CALCRL: variants seen among roughly 807,000 people sequenced by gnomAD.
CALCRL encodes the protein calcitonin gene-related peptide type 1 receptor.
CALCRL carries 27 observed loss-of-function variants against 60.4 expected under a neutral mutation model. The observed-to-expected ratio is 0.45, with a 90% CI of 0.33 to 0.62. The LOEUF is 0.62. Ranked by LOEUF, CALCRL falls within the 20% of genes least tolerant of loss-of-function variation. The pLI is 0.03. For missense variants in CALCRL, 424 were observed against 540.7 expected (o/e 0.78, Z 2.14); for synonymous variants, 190 against 182.6 (o/e 1.04, Z -0.33).
chr2:187,436,985 C>T (rs190767031), intron 1 of CALCRL, among the ~76,000 whole-genome samples: 3 of 152,190 alleles, frequency 2.0e-5, no homozygotes, highest in Non-Finnish European at 2.9e-5. Context: ...TTCTTAAAGT[C>T]ATATCTTTCT....
Position 187,387,758 on chromosome 2 carries a change from T to C in CALCRL, c.-292-2A>G. On this transcript the variant is annotated splice_acceptor_variant, in intron 1 of 14. Coordinates refer to ENST00000392370, the MANE Select transcript of CALCRL (RefSeq NM_005795.6). LOFTEE classifies it low-confidence loss of function (5UTR_SPLICE). ...TTTCTTAAATTCAGGGGTCAAGACC[T>C]GAAATATTGATGAATGTAATAATTT... is the stretch of plus-strand genomic sequence containing the variant. The C allele has an allele frequency of 2.5e-6, 1 of 396,556 alleles. No individual in the cohort carries two copies. The highest frequency in any genetic ancestry group is 4.4e-6 in the Non-Finnish European group (1 of 224,788). 24.6% of individuals were successfully genotyped at this position (396,556 alleles called of 1,614,324 possible).
At chr2:187,409,987 CTTG>C (rs1271291976) in intron 1 of CALCRL, among the ~76,000 whole-genome samples, 5 of 152,128 alleles carry the variant, frequency 3.3e-5, no homozygotes, top group Non-Finnish European at 7.4e-5. Context: ...AGTTTGATGA[CTTG>C]TTAAAGACTC....
intron 1 of CALCRL, among the ~76,000 whole-genome samples, chr2:187,447,679 G>A (rs190247571): frequency 5.3e-5 from 8 of 151,988 alleles, no homozygotes; most frequent in African/African-American, 1.7e-4. Context: ...GACCCTTCCG[G>A]GGGGAGAAAT....
Position 187,345,088 on chromosome 2 carries a change from A to G in CALCRL, c.*1096T>C, listed in dbSNP as rs1026691904. On this transcript the variant is annotated 3_prime_UTR_variant, in exon 15 of 15. Transcript: ENST00000392370. ...TGATGCTGGCATCTGGTTGTCTTTA[A>G]AATATTTACCAAATATAGCATTCCA... 1 of 152,298 alleles carries G rather than the reference A, an allele frequency of 6.6e-6. No individual in the cohort carries two copies. The highest frequency in any genetic ancestry group is 6.6e-5 in the Admixed American group (1 of 15,186). 9.4% of individuals were successfully genotyped at this position (152,298 alleles called of 1,614,324 possible). A position where few individuals can be genotyped will look rare whatever the true frequency, so the allele number is the denominator to read the frequency against.
At chr2:187,433,179 T>A (rs1690475988) in intron 1 of CALCRL, among the ~76,000 whole-genome samples, 1 of 152,112 alleles carries the variant, frequency 6.6e-6, no homozygotes, top group South Asian at 2.1e-4. Flanking sequence ...TTTACCAGGT[T>A]CAAAGTTGAA....
intron 1 of CALCRL, among the ~76,000 whole-genome samples, chr2:187,391,469 C>T (rs1688443401): frequency 1.3e-5 from 2 of 152,122 alleles, no homozygotes; most frequent in South Asian, 4.2e-4. Flanking sequence ...AGAATTTTTC[C>T]ATATGTTCCA....
intron 1 of CALCRL, among the ~76,000 whole-genome samples, chr2:187,400,778 TA>T (rs200164274): frequency 6.0e-5 from 9 of 149,534 alleles, no homozygotes; most frequent in South Asian, 2.1e-4. Flanking sequence ...AAAAAGACAG[TA>T]AAAAAAAAGA....
At chr2:187,403,507 G>A (rs762695799) in intron 1 of CALCRL, among the ~76,000 whole-genome samples, 1 of 151,936 alleles carries the variant, frequency 6.6e-6, no homozygotes. Flanking sequence ...GTTTGGAAAG[G>A]CAGTATGTGC....
chr2:187,385,276 A>AT lies in CALCRL; in HGVS notation c.51+268dup, dbSNP rs988048561. Among the ~76,000 whole-genome samples the AT allele has an allele frequency of 4.7e-4, 70 of 149,744 alleles. No homozygotes were observed. In the East Asian group the frequency reaches 9.8e-3, roughly 21 times the overall value. On this transcript the variant is annotated intron_variant, in intron 4 of 14. Coordinates refer to ENST00000392370, the MANE Select transcript of CALCRL (RefSeq NM_005795.6). ...ACAACATGTACCATAGAGTCATTCCATTTTTTTTTCAATCTCTGATTACTT... is the reference window on the plus strand; with the variant it reads ...ACAACATGTACCATAGAGTCATTCCATTTTTTTTTTCAATCTCTGATTACTT...
Position 187,347,644 on chromosome 2 carries a change from T to TAC in CALCRL, c.1171-1247_1171-1246dup, listed in dbSNP as rs1344403914. On this transcript the variant is annotated intron_variant, in intron 14 of 14. Coordinates refer to ENST00000392370, the MANE Select transcript of CALCRL (RefSeq NM_005795.6). ...GGATTAAAACACACACACACACACATACACACACACACAAAACCTCAATTC... is the reference window on the plus strand; with the variant it reads ...GGATTAAAACACACACACACACACATACACACACACACACAAAACCTCAATTC... Among the ~76,000 whole-genome samples, 409 of 150,556 alleles carry TAC rather than the reference T, an allele frequency of 2.7e-3. 4 individuals carry two copies. The highest frequency in any genetic ancestry group is 9.1e-3 in the African/African-American group (375 of 41,078).
chr2:187,417,486 CTG>C (rs1476981015), intron 1 of CALCRL, among the ~76,000 whole-genome samples: 4 of 152,004 alleles, frequency 2.6e-5, no homozygotes, highest in Non-Finnish European at 2.9e-5. Context: ...AAATATATGC[CTG>C]TGTTACAGAT....
Position 187,359,100 on chromosome 2 carries a change from A to T in CALCRL, c.872T>A (p.Leu291His). ...ACAAATTGGGCCATGGATAATGTAGAGGAGATGGGTATCAGAACTGATCCA... is the reference window on the plus strand; with the variant it reads ...ACAAATTGGGCCATGGATAATGTAGTGGAGATGGGTATCAGAACTGATCCA... ...NCWISSDTHL[L>H]YIIHGPICAA... The change falls in exon 12 of 15, where the codon CTC becomes CAC. Residue 291 changes from leucine (L) to histidine (H), a missense_variant. This residue lies in a region of CALCRL where 222 missense variants were observed against 265.6 expected (regional missense o/e 0.84). Coordinates refer to ENST00000392370, the MANE Select transcript of CALCRL (RefSeq NM_005795.6). 1 of 1,613,450 alleles carries T rather than the reference A, an allele frequency of 6.2e-7. No individual in the cohort carries two copies. Among genetic ancestry groups the T allele is most frequent in the Non-Finnish European group, 8.5e-7 (1 of 1,179,478 alleles).
Position 187,438,933 on chromosome 2 carries a change from CA to C in CALCRL, c.-293+9105del, listed in dbSNP as rs1304182255. Among the ~76,000 whole-genome samples, 5 of 152,296 alleles carry C rather than the reference CA, an allele frequency of 3.3e-5. No homozygotes were observed. The East Asian group carries it at 9.6e-4, about 29-fold the overall frequency. On this transcript the variant is annotated intron_variant, in intron 1 of 14. Transcript: ENST00000392370. Reference sequence around the variant, plus strand: ...TTTTGGAAATATACAGTGATTCTAACACCTTCAGTAATTTTACTCTGGCATC... The same window carrying C: ...TTTTGGAAATATACAGTGATTCTAACCCTTCAGTAATTTTACTCTGGCATC...
chr2:187,349,932 G>T (rs540810323), intron 14 of CALCRL, among the ~76,000 whole-genome samples: 2 of 151,812 alleles, frequency 1.3e-5, no homozygotes, highest in African/African-American at 4.8e-5. Context: ...AGAATCTCAT[G>T]AAGTGGGGCA....
chr2:187,440,228 A>T (rs1690828328), intron 1 of CALCRL, among the ~76,000 whole-genome samples: 1 of 152,062 alleles, frequency 6.6e-6, no homozygotes, highest in Admixed American at 6.6e-5. Context: ...AAAAAAAAGC[A>T]TGTCTGTTAT....
intron 8 of CALCRL, among the ~76,000 whole-genome samples, chr2:187,378,443 T>G (rs1459797698): frequency 1.3e-5 from 2 of 152,088 alleles, no homozygotes; most frequent in African/African-American, 2.4e-5. Flanking sequence ...ACAAGTAAAA[T>G]TGAAAGTACA....
intron 12 of CALCRL, among the ~76,000 whole-genome samples, chr2:187,356,654 A>G (rs1400352494): frequency 6.6e-6 from 1 of 152,216 alleles, no homozygotes; most frequent in East Asian, 1.9e-4. Context: ...AAATTGACAA[A>G]CGGGATCTAA....
chr2:187,363,412 T>G lies in CALCRL; in HGVS notation c.591A>C (p.Ala197=), dbSNP rs1378955868. Residue 197 remains alanine (A), a synonymous_variant, in exon 9 of 15, where the codon GCA becomes GCC. Coordinates refer to ENST00000392370, the MANE Select transcript of CALCRL (RefSeq NM_005795.6). ...NSVVTIIHLT[A]VANNQALVAT... is the part of the protein sequence containing the mutation. ...CTACTAAGGCCTGGTTGTTGGCCACTGCAGTGAGGTGAATGATTGTTACAA... is the reference window on the plus strand; with the variant it reads ...CTACTAAGGCCTGGTTGTTGGCCACGGCAGTGAGGTGAATGATTGTTACAA... 1.9e-6 allele frequency: 3 copies of G among 1,612,270 alleles called. No individual in the cohort carries two copies. The highest frequency in any genetic ancestry group is 2.5e-6 in the Non-Finnish European group (3 of 1,179,078).
intron 1 of CALCRL, among the ~76,000 whole-genome samples, chr2:187,444,787 T>C (rs180846698): frequency 6.6e-5 from 10 of 151,608 alleles, no homozygotes; most frequent in Admixed American, 4.6e-4. Context: ...TATAGCTTAT[T>C]ATAATTAAAT....
Sources: gnomAD v4.1 joint callset for allele counts (sites outside exome capture counted in the v4.1 genomes callset) on GRCh38, gnomAD v4.1.1 for gene constraint, gnomAD v4.1.1 regional missense constraint, MANE v1.5 for transcripts, NCBI Gene and HGNC (gene_info 2026-07-23, HGNC 2026-07-21) for gene names.